Variants in ZNF212 observed in about 807,000 individuals in gnomAD.
ZNF212 encodes the protein zinc finger protein 212.
ZNF212 carries 32 observed loss-of-function variants against 47.3 expected under a neutral mutation model. The ratio of observed to expected loss-of-function variants is 0.68; its 90% CI spans 0.51 to 0.91. The LOEUF (loss-of-function observed/expected upper bound fraction) is 0.91. Ranked by LOEUF, ZNF212 falls within the 40% of genes least tolerant of loss-of-function variation. ZNF212 has a pLI of 0.00. For synonymous variants in ZNF212, 242 were observed against 253.8 expected (o/e 0.95, Z 0.44); for missense variants, 555 against 622.8 (o/e 0.89, Z 1.16).
chr7:149,243,196 A>G (rs1315197352), intron 1 of ZNF212, among the ~76,000 whole-genome samples: 1 of 152,150 alleles, frequency 6.6e-6, no homozygotes, highest in African/African-American at 2.4e-5. Flanking sequence ...AATTGAGACC[A>G]TCCTGGCTAA....
At chr7:149,246,234 G>A (rs150867133) in intron 1 of ZNF212, among the ~76,000 whole-genome samples, 4 of 152,232 alleles carry the variant, frequency 2.6e-5, no homozygotes, top group Non-Finnish European at 4.4e-5. Context: ...ATTCTAAGAC[G>A]TGTTTATTGA....
At chr7:149,240,382 A>ACCCCCCCCCCCCCCCCCCC (rs71194632) in intron 1 of ZNF212, among the ~76,000 whole-genome samples, 5 of 109,352 alleles carry the variant, frequency 4.6e-5, no homozygotes, top group Non-Finnish European at 5.8e-5. Flanking sequence ...TCTCTCCTTC[A>ACCCCCCCCCCCCCCCCCCC]CCCCCCCCCC....
chr7:149,253,409 T>C, intron 4 of ZNF212, 150 bp from the exon 5 acceptor site: 1 of 905,858 alleles, frequency 1.1e-6, no homozygotes, highest in Non-Finnish European at 1.6e-6. Flanking sequence ...TATAGAAGTC[T>C]TGGAACCTAG....
chr7:149,246,882 G>A (rs1485487650), intron 1 of ZNF212, among the ~76,000 whole-genome samples: 6 of 136,710 alleles, frequency 4.4e-5, no homozygotes, highest in Non-Finnish European at 9.1e-5. Context: ...GTGTGATCTC[G>A]GTTCACCGCA....
chr7:149,239,842 G>T (rs891404521), intron 1 of ZNF212, 40 bp downstream of exon 1: 7 of 1,265,616 alleles, frequency 5.5e-6, no homozygotes, highest in Non-Finnish European at 7.0e-6. Context: ...GGCGCGTTGG[G>T]GATGGCGGAG....
intron 1 of ZNF212, among the ~76,000 whole-genome samples, chr7:149,240,382 A>ACCCCCCCCCCCACACCCCCCCCC (rs71194632): frequency 4.6e-5 from 5 of 109,436 alleles, no homozygotes; most frequent in Non-Finnish European, 9.7e-5. Context: ...TCTCTCCTTC[A>ACCCCCCCCCCCACACCCCCCCCC]CCCCCCCCCC....
intron 1 of ZNF212, among the ~76,000 whole-genome samples, chr7:149,244,368 A>C (rs1448032739): frequency 6.6e-6 from 1 of 152,014 alleles, no homozygotes; most frequent in Non-Finnish European, 1.5e-5. Context: ...ACTGGAGTGC[A>C]GTGGTGCGAT....
intron 3 of ZNF212, among the ~76,000 whole-genome samples, chr7:149,251,491 CT>C (rs71194634): frequency 0.11 from 8,617 of 77,366 alleles, 118 homozygotes; most frequent in East Asian, 0.17. Flanking sequence ...CCTGTTTTAT[CT>C]TTTTTTTTTT....
rs1238729604 is a variant in ZNF212, at chr7:149,252,696, TC to T, written c.542-7del. On this transcript the variant is annotated splice_polypyrimidine_tract_variant and intron_variant, in intron 3 of 4. Transcript: ENST00000335870. ...TCTCCTGGGCTCACACTGTGCTGTT[TC>T]CCACCCAGAGGTCCTTGGCCAGACA... 6.2e-7 allele frequency: 1 copy of T among 1,613,756 alleles called. No individual in the cohort carries two copies. The highest frequency in any genetic ancestry group is 8.5e-7 in the Non-Finnish European group (1 of 1,179,910).
intron 1 of ZNF212, among the ~76,000 whole-genome samples, chr7:149,244,247 C>A (rs1013193152): frequency 1.3e-5 from 2 of 151,746 alleles, no homozygotes; most frequent in African/African-American, 4.8e-5. Flanking sequence ...TTTTATTTAA[C>A]CAGCCACATG....
rs763437708 is a variant in ZNF212, at chr7:149,253,904, G to A, written c.977G>A (p.Arg326His). 6.2e-6 allele frequency: 10 copies of A among 1,613,944 alleles called. No homozygotes were observed. The East Asian group carries it at 8.9e-5, about 14-fold the overall frequency. ...YECSECEITF[R>H]YKQQLATHLR... is the part of the protein sequence containing the mutation. ...TGTTCTGAGTGTGAGATCACCTTCCGCTATAAGCAGCAGCTGGCCACACAT... is the reference window on the plus strand; with the variant it reads ...TGTTCTGAGTGTGAGATCACCTTCCACTATAAGCAGCAGCTGGCCACACAT... The change falls in exon 5 of 5, where the codon CGC (arginine) becomes CAC (histidine). Residue 326 changes from arginine (R) to histidine (H), a missense_variant. By Grantham distance (29) the Arg-to-His change is conservative. Coordinates refer to ENST00000335870, the MANE Select transcript of ZNF212 (RefSeq NM_012256.4).
Position 149,244,461 on chromosome 7 carries a change from C to T in ZNF212, c.24+4659C>T, listed in dbSNP as rs770371288. ...CCCAGTGGCTGGGACTGCAGGAGCC[C>T]GTCACCACGCCCGGCTAATTCTTTT... On this transcript the variant is annotated intron_variant, in intron 1 of 4. Coordinates refer to ENST00000335870, the MANE Select transcript of ZNF212 (RefSeq NM_012256.4). 4.4e-4 allele frequency among the ~76,000 whole-genome samples: 67 copies of T among 152,094 alleles called. 1 individual carries two copies. Among genetic ancestry groups the T allele is most frequent in the Admixed American group, 1.5e-3 (23 of 15,282 alleles).
intron 1 of ZNF212, among the ~76,000 whole-genome samples, chr7:149,243,581 C>G (rs73479941): frequency 0.074 from 11,256 of 151,626 alleles, 511 homozygotes; most frequent in African/African-American, 0.1. Flanking sequence ...TATTTAGTAT[C>G]TTTAGAGATA....
Position 149,254,379 on chromosome 7 carries a change from G to A in ZNF212, c.1452G>A (p.Leu484=). The change falls in exon 5 of 5, where the codon CTG becomes CTA. Residue 484 remains leucine, a synonymous_variant. Transcript: ENST00000335870. This position sits in a 1 kb window ranked among gnomAD's most constrained non-coding sequence, Gnocchi z 4.5. ...QKIHQRERGG[L]ALEPGRPNGL... ...TCCACCAGCGGGAGCGGGGTGGGCT[G>A]GCCCTGGAGCCCGGAAGGCCCAATG... The A allele has an allele frequency of 6.2e-7, 1 of 1,606,614 alleles. No homozygotes were observed. The highest frequency in any genetic ancestry group is 8.5e-7 in the Non-Finnish European group (1 of 1,179,792).
chr7:149,246,451 C>T (rs908432420), intron 1 of ZNF212, among the ~76,000 whole-genome samples: 1 of 151,258 alleles, frequency 6.6e-6, no homozygotes, highest in Non-Finnish European at 1.5e-5. Context: ...GACGTGATCT[C>T]AGCTCACTGC....
chr7:149,241,569 CAGTA>C (rs1796589714), intron 1 of ZNF212, among the ~76,000 whole-genome samples: 1 of 151,952 alleles, frequency 6.6e-6, no homozygotes, highest in African/African-American at 2.4e-5. Context: ...TGTCATTTAA[CAGTA>C]AGCTCAAGTA....
chr7:149,254,115 C>T lies in ZNF212; in HGVS notation c.1188C>T (p.Pro396=). ...THQRCHLQEG[P]SAGQHVQERF... ...AGCGTTGCCACCTGCAGGAGGGGCCCAGTGCCGGCCAGCATGTCCAAGAGA... is the reference window on the plus strand; with the variant it reads ...AGCGTTGCCACCTGCAGGAGGGGCCTAGTGCCGGCCAGCATGTCCAAGAGA... Residue 396 remains proline (P), a synonymous_variant, in exon 5 of 5, where the codon CCC becomes CCT. Coordinates refer to ENST00000335870, the MANE Select transcript of ZNF212 (RefSeq NM_012256.4). This position sits in a 1 kb window ranked among gnomAD's most constrained non-coding sequence, Gnocchi z 4.5. The T allele has an allele frequency of 6.2e-7, 1 of 1,613,532 alleles. No individual in the cohort carries two copies. The highest frequency in any genetic ancestry group is 8.5e-7 in the Non-Finnish European group (1 of 1,179,760).
intron 1 of ZNF212, among the ~76,000 whole-genome samples, chr7:149,242,087 C>T (rs1348453702): frequency 7.4e-6 from 1 of 135,650 alleles, no homozygotes; most frequent in African/African-American, 2.8e-5. Flanking sequence ...GTGGAGCAAT[C>T]TTGGCTGCCT....
At position 149,243,611 on chromosome 7, in the gene ZNF212, G is replaced by T. The variant is rs80217072; in HGVS notation, c.24+3809G>T. ...GAGATAGAAGGCTCCTACTACTTTT[G>T]TAATGGTAAAAGACTCAATTTACCA... On this transcript the variant is annotated intron_variant, in intron 1 of 4. Transcript: ENST00000335870. Among the ~76,000 whole-genome samples, 556 of 152,202 alleles carry T rather than the reference G, an allele frequency of 3.7e-3. 6 individuals carry two copies. Among genetic ancestry groups the T allele is most frequent in the African/African-American group, 0.013 (530 of 41,508 alleles).
Sources: gnomAD v4.1 joint callset for allele counts (sites outside exome capture counted in the v4.1 genomes callset) on GRCh38, gnomAD v4.1.1 for gene constraint, Gnocchi (gnomAD v3.1) non-coding constraint, MANE v1.5 for transcripts, NCBI Gene and HGNC (gene_info 2026-07-23, HGNC 2026-07-21) for gene names.